EXOSC3: variants seen among roughly 807,000 people sequenced by gnomAD.
EXOSC3 encodes the protein exosome complex component RRP40.
A neutral mutation model predicts 25.1 loss-of-function variants in EXOSC3; 18 were observed. The ratio of observed to expected loss-of-function variants is 0.72; its 90% CI spans 0.50 to 1.06. The LOEUF (loss-of-function observed/expected upper bound fraction) is 1.06, where lower values mean the gene tolerates loss of function less well. Ranked by LOEUF, EXOSC3 falls within the 50% of genes least tolerant of loss-of-function variation. The pLI is 0.00. For synonymous variants in EXOSC3, 165 were observed against 132.2 expected (o/e 1.25, Z -1.70); for missense variants, 382 against 350.9 (o/e 1.09, Z -0.71).
intron 2 of EXOSC3, among the ~76,000 whole-genome samples, chr9:37,782,576 G>A (rs1828618989): frequency 1.3e-5 from 2 of 152,182 alleles, no homozygotes; most frequent in African/African-American, 4.8e-5. Context: ...CACTACCCTA[G>A]AGAATTACAG....
At chr9:37,780,939 C>G (rs1828581801) in intron 3 of EXOSC3, 59 bp from the exon 4 acceptor site, 10 of 1,440,640 alleles carry the variant, frequency 6.9e-6, no homozygotes, top group African/African-American at 2.8e-5. Flanking sequence ...TGTCCGGAGT[C>G]TCCTTTAGAA....
In EXOSC3 at chr9:37,785,041, C is replaced by T; in HGVS notation, c.4G>A (p.Ala2Thr). The T allele has an allele frequency of 6.3e-7, 1 of 1,594,784 alleles. No homozygotes were observed. The highest frequency in any genetic ancestry group is 1.3e-5 in the African/African-American group (1 of 74,772). ...TCAGCCGCGACAGACGCAGGTTCGG[C>T]CATCGCGGGCTCCACCAAACACCGT... M[A>T]EPASVAAESL... Residue 2 changes from alanine (A) to threonine (T), a missense_variant, in exon 1 of 4, where the codon GCC becomes ACC. By Grantham distance (58) the Ala-to-Thr change is moderately conservative. Coordinates refer to ENST00000327304, the MANE Select transcript of EXOSC3 (RefSeq NM_016042.4).
chr9:37,784,681 A>T (rs1434098248), intron 1 of EXOSC3, 40 bp downstream of exon 1: 2 of 1,547,490 alleles, frequency 1.3e-6, no homozygotes, highest in Non-Finnish European at 1.7e-6. Flanking sequence ...CAGGGCTACC[A>T]CTCTCACTGC....
rs1828648639 is a variant in EXOSC3 at position 37,784,018 on chromosome 9, T to C, written c.370A>G (p.Lys124Glu). The stretch of plus-strand genomic sequence containing the variant: ...TCAACTTTGAATATATCTCCAGATT[T>C]AGCTGTCACTATGCCAATCACATGG... ...GDHVIGIVTA[K>E]SGDIFKVDVG... The change falls in exon 2 of 4, where the codon AAA becomes GAA. Residue 124 changes from lysine (K) to glutamate (E), a missense_variant. Lys to Glu is a moderately conservative substitution (Grantham distance 56). Transcript: ENST00000327304. The C allele has an allele frequency of 1.2e-6, 2 of 1,613,806 alleles. No homozygotes were observed. Among genetic ancestry groups the C allele is most frequent in the Admixed American group, 1.7e-5 (1 of 59,990 alleles).
chr9:37,782,759 C>G (rs1010807382), intron 2 of EXOSC3, among the ~76,000 whole-genome samples: 1 of 152,184 alleles, frequency 6.6e-6, no homozygotes, highest in Non-Finnish European at 1.5e-5. Context: ...CTCAACAAAA[C>G]GTATTAAGTA....
At position 37,784,805 on chromosome 9, in the gene EXOSC3, G is replaced by A. The variant is rs1246528014; in HGVS notation, c.240C>T (p.Val80=). The change falls in exon 1 of 4, where the codon GTC becomes GTT. Residue 80 remains valine, a synonymous_variant. Coordinates refer to ENST00000327304, the MANE Select transcript of EXOSC3 (RefSeq NM_016042.4). ...GLRRCGDRLL[V]TKCGRLRHKE... ...TGTGACGGAGGCGGCCGCACTTGGT[G>A]ACCAGCAGGCGGTCCCCACAGCGCC... is the stretch of plus-strand genomic sequence containing the variant. 3 of 1,608,242 alleles carry A rather than the reference G, an allele frequency of 1.9e-6. No individual in the cohort carries two copies. The highest frequency in any genetic ancestry group is 2.5e-6 in the Non-Finnish European group (3 of 1,178,416).
rs1828658920 is a variant in EXOSC3, at chr9:37,784,347, C to T, written c.325-284G>A. 1.3e-5 allele frequency: 6 copies of T among 479,672 alleles called. No homozygotes were observed. The South Asian group carries it at 2.0e-4, about 16-fold the overall frequency. The allele number at this position is 479,672 out of a possible 1,614,324, so 29.7% of individuals were successfully genotyped here. On this transcript the variant is annotated intron_variant, in intron 1 of 3. Coordinates refer to ENST00000327304, the MANE Select transcript of EXOSC3 (RefSeq NM_016042.4). Reference sequence around the variant, plus strand: ...AGGAATCCTTACAACCAAGGAAGCCCATTCCATAGACAATTTTTTCTATAT... The same window carrying T: ...AGGAATCCTTACAACCAAGGAAGCCTATTCCATAGACAATTTTTTCTATAT...
At position 37,784,807 on chromosome 9, in the gene EXOSC3, C is replaced by G. The variant is rs374550999; in HGVS notation, c.238G>C (p.Val80Leu). The G allele has an allele frequency of 6.2e-7, 1 of 1,608,336 alleles. No homozygotes were observed. Among genetic ancestry groups the G allele is most frequent in the Non-Finnish European group, 8.5e-7 (1 of 1,178,402 alleles). ...TGACGGAGGCGGCCGCACTTGGTGA[C>G]CAGCAGGCGGTCCCCACAGCGCCGA... ...GLRRCGDRLL[V>L]TKCGRLRHKE... is the part of the protein sequence containing the mutation. Residue 80 changes from valine to leucine, a missense_variant, in exon 1 of 4, where the codon GTC becomes CTC. Transcript: ENST00000327304.
intron 1 of EXOSC3, 117 bp from the exon 2 acceptor site, chr9:37,784,180 G>A (rs1828654922): frequency 1.8e-6 from 2 of 1,099,202 alleles, no homozygotes; most frequent in Non-Finnish European, 2.5e-6. Flanking sequence ...CTGATCAAAT[G>A]CCACTTTCGG....
At chr9:37,781,379 G>A (rs768215117) in intron 3 of EXOSC3, among the ~76,000 whole-genome samples, 1 of 149,104 alleles carries the variant, frequency 6.7e-6, no homozygotes, top group Admixed American at 6.8e-5. Context: ...TTTAGGATAT[G>A]TAGTAAGGAG....
intron 3 of EXOSC3, 170 bp downstream of exon 3, chr9:37,781,816 A>G: frequency 1.4e-6 from 1 of 709,556 alleles, no homozygotes. Context: ...TATGTTTCCA[A>G]GAAGATAGGA....
At position 37,785,048 on chromosome 9, in the gene EXOSC3, G is replaced by A. The variant is rs1290961658; in HGVS notation, c.-4C>T. ...CGACAGACGCAGGTTCGGCCATCGC[G>A]GGCTCCACCAAACACCGTTTCCGGT... is the stretch of plus-strand genomic sequence containing the variant. On this transcript the variant is annotated 5_prime_UTR_variant, in exon 1 of 4. Coordinates refer to ENST00000327304, the MANE Select transcript of EXOSC3 (RefSeq NM_016042.4). 8.2e-6 allele frequency: 13 copies of A among 1,592,506 alleles called. No individual in the cohort carries two copies. Among genetic ancestry groups the A allele is most frequent in the Admixed American group, 6.7e-5 (4 of 59,354 alleles).
At chr9:37,782,229 T>A in intron 2 of EXOSC3, 92 bp from the exon 3 acceptor site, 1 of 1,360,702 alleles carries the variant, frequency 7.3e-7, no homozygotes, top group East Asian at 2.3e-5. Context: ...GCCAGCCACC[T>A]ACAGTTCTGT....
rs749691951 is a variant in EXOSC3 at position 37,785,028 on chromosome 9, G to C, written c.17C>G (p.Ser6Cys). 3.1e-6 allele frequency: 5 copies of C among 1,599,440 alleles called. No homozygotes were observed. In the Admixed American group the frequency reaches 8.4e-5, roughly 27 times the overall value. The change falls in exon 1 of 4, where the codon TCT (serine) becomes TGT (cysteine). Residue 6 changes from serine to cysteine, a missense_variant. By Grantham distance (112) the Ser-to-Cys change is moderately radical (BLOSUM62 -1). Coordinates refer to ENST00000327304, the MANE Select transcript of EXOSC3 (RefSeq NM_016042.4). ...GCCCGCGAGAGATTCAGCCGCGACA[G>C]ACGCAGGTTCGGCCATCGCGGGCTC... MAEPA[S>C]VAAESLAGSR...
At chr9:37,782,788 CTA>C (rs1238957441) in intron 2 of EXOSC3, among the ~76,000 whole-genome samples, 2 of 152,160 alleles carry the variant, frequency 1.3e-5, no homozygotes, top group East Asian at 1.9e-4. Flanking sequence ...TTGTTGGTGA[CTA>C]TGTAAACTAG....
intron 2 of EXOSC3, 38 bp from the exon 3 acceptor site, chr9:37,782,175 C>G (rs1409077576): frequency 6.2e-7 from 1 of 1,609,366 alleles, no homozygotes; most frequent in East Asian, 2.2e-5. Context: ...TTCCTCTCAG[C>G]AAACTACAGG....
At position 37,780,635 on chromosome 9, in the gene EXOSC3, C is replaced by T. The variant is rs1564013404; in HGVS notation, c.*44G>A. 5.3e-6 allele frequency: 8 copies of T among 1,523,474 alleles called. No homozygotes were observed. Among genetic ancestry groups the T allele is most frequent in the Non-Finnish European group, 7.2e-6 (8 of 1,103,456 alleles). 94.4% of individuals were successfully genotyped at this position (1,523,474 alleles called of 1,614,324 possible). ...TGGGGGAGGTTCACCTGAAAAAACCCATAGTTTTTTGCCTCAACTGACCTG... is the reference window on the plus strand; with the variant it reads ...TGGGGGAGGTTCACCTGAAAAAACCTATAGTTTTTTGCCTCAACTGACCTG... On this transcript the variant is annotated 3_prime_UTR_variant, in exon 4 of 4. Transcript: ENST00000327304.
Position 37,780,389 on chromosome 9 carries a change from G to T in EXOSC3, c.*290C>A. The stretch of plus-strand genomic sequence containing the variant: ...ATAATCACAAAATTATTTTACTGCT[G>T]ACCTCCAGTTAATTATGGAAGCTGT... On this transcript the variant is annotated 3_prime_UTR_variant, in exon 4 of 4. Transcript: ENST00000327304. 2 of 317,660 alleles carry T rather than the reference G, an allele frequency of 6.3e-6. No homozygotes were observed. The highest frequency in any genetic ancestry group is 2.2e-5 in the African/African-American group (1 of 45,782). 19.7% of individuals were successfully genotyped at this position (317,660 alleles called of 1,614,324 possible). A position where few individuals can be genotyped will look rare whatever the true frequency, so the allele number is the denominator to read the frequency against.
At position 37,779,926 on chromosome 9, in the gene EXOSC3, A is replaced by C. The variant is rs2118973596; in HGVS notation, c.*753T>G. ...GAGTTTTCTATGCTTAGCTCCTAGG[A>C]AATGATTTTAGCAAAATAAGACTTG... On this transcript the variant is annotated 3_prime_UTR_variant, in exon 4 of 4. Coordinates refer to ENST00000327304, the MANE Select transcript of EXOSC3 (RefSeq NM_016042.4). 6.6e-6 allele frequency: 1 copy of C among 152,284 alleles called. No homozygotes were observed. Among genetic ancestry groups the C allele is most frequent in the South Asian group, 2.1e-4 (1 of 4,826 alleles). The allele number at this position is 152,284 out of a possible 1,614,324, so 9.4% of individuals were successfully genotyped here.
Sources: allele counts gnomAD v4.1 joint callset (sites outside exome capture counted in the v4.1 genomes callset), GRCh38; gene constraint gnomAD v4.1.1; transcripts MANE v1.5; gene names NCBI Gene and HGNC (gene_info 2026-07-23, HGNC 2026-07-21).